The following CACNA1A variants were observed in gnomAD, a reference collection of about 807,000 sequenced individuals.
CACNA1A encodes voltage-dependent P/Q-type calcium channel subunit alpha-1A.
In CACNA1A, 57 loss-of-function variants were observed where a neutral mutation model predicts 262.4. The observed-to-expected ratio is 0.22, with a 90% CI of 0.18 to 0.27. The LOEUF (loss-of-function observed/expected upper bound fraction) is 0.27, where lower values mean the gene tolerates loss of function less well. Among genes scored for constraint, CACNA1A ranks in the 10% least tolerant of loss-of-function variants. The pLI is 1.00. For missense variants in CACNA1A, 2,526 were observed against 3,562.8 expected (o/e 0.71, Z 7.41); for synonymous variants, 1,431 against 1,419.3 (o/e 1.01, Z -0.18).
At chr19:13,372,697 C>T (rs898739203) in intron 3 of CACNA1A, among the ~76,000 whole-genome samples, 1 of 152,142 alleles carries the variant, frequency 6.6e-6, no homozygotes, top group African/African-American at 2.4e-5. Flanking sequence ...GTGGTCAGCA[C>T]AATGCCAGGC....
chr19:13,207,645 C>T lies in CACNA1A; in HGVS notation c.7189G>A (p.Val2397Met), dbSNP rs768129470. Residue 2397 changes from valine (V) to methionine (M), a missense_variant, in exon 47 of 47, where the codon GTG (valine) becomes ATG (methionine). Coordinates refer to ENST00000360228, the MANE Select transcript of CACNA1A (RefSeq NM_001127222.2). This position sits in a 1 kb window ranked among gnomAD's most constrained non-coding sequence, Gnocchi z 5.7. ...CGGGGACCCGGGGGCCCCTCGGACA[C>T]GTGCGGGCCAGATGCCGGCCACCGG... ...GARWPASGPH[V>M]SEGPPGPRHH... 315 of 1,464,796 alleles carry T rather than the reference C, an allele frequency of 2.2e-4. No individual in the cohort carries two copies. Among genetic ancestry groups the T allele is most frequent in the Non-Finnish European group, 2.7e-4 (301 of 1,108,090 alleles). 90.7% of individuals were successfully genotyped at this position (1,464,796 alleles called of 1,614,324 possible).
At chr19:13,454,410 G>A (rs2060969558) in intron 2 of CACNA1A, among the ~76,000 whole-genome samples, 1 of 150,844 alleles carries the variant, frequency 6.6e-6, no homozygotes, top group Non-Finnish European at 1.5e-5. Context: ...CACTCCTGTT[G>A]CCCAGACTGG....
chr19:13,454,364 CT>C (rs1011123950), intron 2 of CACNA1A, among the ~76,000 whole-genome samples: 2 of 151,396 alleles, frequency 1.3e-5, no homozygotes, highest in East Asian at 4.0e-4. Flanking sequence ...ATTCTTGTTT[CT>C]TTTTTTTCGC....
intron 5 of CACNA1A, among the ~76,000 whole-genome samples, chr19:13,360,411 C>A: frequency 6.6e-6 from 1 of 151,580 alleles, no homozygotes; most frequent in Non-Finnish European, 1.5e-5. Context: ...CTATTTACTT[C>A]TGGCAAATTT....
In CACNA1A at chr19:13,452,923, G is replaced by A. The variant is rs765531651; in HGVS notation, c.492C>T (p.Tyr164=). The change falls in exon 3 of 47, where the codon TAC becomes TAT. Residue 164 remains tyrosine, a synonymous_variant. Transcript: ENST00000360228. Reference sequence around the variant, plus strand: ...CCATGACATTCCAGCCATTCCTCAAGTAGGAGCCTTTGTGGAAGGCAAACC... The same window carrying A: ...CCATGACATTCCAGCCATTCCTCAAATAGGAGCCTTTGTGGAAGGCAAACC... ...ALGFAFHKGS[Y]LRNGWNVMDF... 4 of 1,613,770 alleles carry A rather than the reference G, an allele frequency of 2.5e-6. No homozygotes were observed. Among genetic ancestry groups the A allele is most frequent in the Non-Finnish European group, 3.4e-6 (4 of 1,179,786 alleles).
In CACNA1A at chr19:13,505,918, G is replaced by A; in HGVS notation, c.293+14C>T. 1.9e-6 allele frequency: 3 copies of A among 1,609,670 alleles called. No individual in the cohort carries two copies. The highest frequency in any genetic ancestry group is 2.5e-6 in the Non-Finnish European group (3 of 1,177,912). ...GGAGGCGCAGCTGCTGCTGGGGTTC[G>A]GGCAAAAGGATATGGCCATTCGGTG... is the stretch of plus-strand genomic sequence containing the variant. On this transcript the variant is annotated intron_variant, in intron 1 of 46. Coordinates refer to ENST00000360228, the MANE Select transcript of CACNA1A (RefSeq NM_001127222.2).
chr19:13,245,671 CTT>C (rs763446754), intron 30 of CACNA1A: 56 of 115,848 alleles, frequency 4.8e-4, no homozygotes, highest in Admixed American at 1.0e-3. Context: ...CTTTCTTTCT[CTT>C]TTTTTTTTTT....
intron 3 of CACNA1A, 74 bp from the exon 4 acceptor site, chr19:13,371,853 G>T: frequency 2.8e-6 from 3 of 1,074,852 alleles, no homozygotes; most frequent in Non-Finnish European, 4.2e-6. Context: ...GGGTGCTTGG[G>T]ATTCCAAGCT....
intron 17 of CACNA1A, among the ~76,000 whole-genome samples, chr19:13,302,725 T>C (rs916573095): frequency 1.3e-5 from 2 of 152,228 alleles, no homozygotes; most frequent in Non-Finnish European, 2.9e-5. Flanking sequence ...AGCTCCACAG[T>C]GGCCAGGCTT....
chr19:13,470,793 T>TTGATTTCCTTATTTAG (rs2061334445), intron 1 of CACNA1A, among the ~76,000 whole-genome samples: 1 of 152,178 alleles, frequency 6.6e-6, no homozygotes, highest in Non-Finnish European at 1.5e-5. Flanking sequence ...GTTGGGGCAT[T>TTGATTTCCTTATTTAG]TCTCCATTTG....
chr19:13,435,241 G>A (rs916500380), intron 3 of CACNA1A, among the ~76,000 whole-genome samples: 9 of 151,846 alleles, frequency 5.9e-5, no homozygotes, highest in Admixed American at 2.0e-4. Flanking sequence ...AGCCTCCTGG[G>A]TAGCTGGAAT....
chr19:13,494,879 T>C lies in CACNA1A; in HGVS notation c.293+11053A>G, dbSNP rs1166385800. Among the ~76,000 whole-genome samples, 3 of 152,230 alleles carry C rather than the reference T, an allele frequency of 2.0e-5. No homozygotes were observed. The East Asian group carries it at 5.8e-4, about 29-fold the overall frequency. ...GATCCAGTCACCTTCACCAGGTCCC[T>C]CCCATGACATGTGGGTATTACAATT... is the stretch of plus-strand genomic sequence containing the variant. On this transcript the variant is annotated intron_variant, in intron 1 of 46. Coordinates refer to ENST00000360228, the MANE Select transcript of CACNA1A (RefSeq NM_001127222.2).
chr19:13,257,643 T>C, intron 27 of CACNA1A, 92 bp from the exon 28 acceptor site: 1 of 681,552 alleles, frequency 1.5e-6, no homozygotes, highest in Admixed American at 3.0e-5. Flanking sequence ...AGGGTGGAAG[T>C]GAGATGGCAG....
At chr19:13,479,462 G>C (rs1473392970) in intron 1 of CACNA1A, among the ~76,000 whole-genome samples, 1 of 146,940 alleles carries the variant, frequency 6.8e-6, no homozygotes, top group Non-Finnish European at 1.5e-5. Context: ...GTCTGAGGAA[G>C]AGTAAAGACA....
chr19:13,393,662 CTT>C (rs555654556), intron 3 of CACNA1A, among the ~76,000 whole-genome samples: 1 of 146,624 alleles, frequency 6.8e-6, no homozygotes, highest in Non-Finnish European at 1.5e-5. Context: ...CTGTCTTCCT[CTT>C]TTCTTTCTTT....
chr19:13,411,127 C>A (rs1415229243), intron 3 of CACNA1A, among the ~76,000 whole-genome samples: 1 of 152,150 alleles, frequency 6.6e-6, no homozygotes, highest in Non-Finnish European at 1.5e-5. Context: ...CTTTTAATGG[C>A]AAAACCGCAA....
At chr19:13,231,683 C>A (rs536864304) in intron 35 of CACNA1A, 27 bp downstream of exon 35, 59 of 1,598,956 alleles carry the variant, frequency 3.7e-5, no homozygotes, top group Non-Finnish European at 5.0e-5. Context: ...GGAGCCCAGA[C>A]GGCCCTCACA....
chr19:13,248,859 T>A (rs62111971), intron 30 of CACNA1A, among the ~76,000 whole-genome samples: 6 of 150,114 alleles, frequency 4.0e-5, no homozygotes, highest in South Asian at 2.1e-4. Context: ...AAAAAAATAA[T>A]AATAAATTAC....
chr19:13,207,960 T>C lies in CACNA1A; in HGVS notation c.6874A>G (p.Thr2292Ala). The stretch of plus-strand genomic sequence containing the variant: ...GAATAGGACACGTGTGGCCGGGGGG[T>C]GGAGGGGGTCTGGGGGAGCTGGCGG... ...GRRQLPQTPS[T>A]PRPHVSYSPV... The change falls in exon 47 of 47, where the codon ACC (threonine) becomes GCC (alanine). Residue 2292 changes from threonine (T) to alanine (A), a missense_variant. Physicochemically the swap from Thr to Ala is moderately conservative, Grantham distance 58 (BLOSUM62 0). This residue lies in a region of CACNA1A where 929 missense variants were observed against 868.1 expected (regional missense o/e 1.07). Transcript: ENST00000360228. The surrounding 1 kb of genome is among the most constrained non-coding windows in gnomAD (Gnocchi z 5.7). 8.9e-7 allele frequency: 1 copy of C among 1,121,162 alleles called. No homozygotes were observed. The highest frequency in any genetic ancestry group is 2.4e-5 in the African/African-American group (1 of 41,378). 69.5% of individuals were successfully genotyped at this position (1,121,162 alleles called of 1,614,324 possible). A position where few individuals can be genotyped will look rare whatever the true frequency, so the allele number is the denominator to read the frequency against.
Sources: allele counts gnomAD v4.1 joint callset (sites outside exome capture counted in the v4.1 genomes callset), GRCh38; gene constraint gnomAD v4.1.1; regional missense constraint gnomAD v4.1.1; non-coding constraint Gnocchi (gnomAD v3.1); transcripts MANE v1.5; gene names NCBI Gene and HGNC (gene_info 2026-07-23, HGNC 2026-07-21).